Variants in FAN1 observed in about 807,000 individuals in gnomAD.
FAN1 encodes FANCD2 and FANCI associated nuclease 1, also known as fanconi-associated nuclease 1.
FAN1 carries 91 observed loss-of-function variants against 104.9 expected under a neutral mutation model. The ratio of observed to expected loss-of-function variants is 0.87; its 90% CI spans 0.73 to 1.03. The LOEUF is 1.03. FAN1 is among the 50% of genes least tolerant of loss of function. The pLI is 0.00. For synonymous variants in FAN1, 478 were observed against 457.6 expected (o/e 1.04, Z -0.57); for missense variants, 1,263 against 1,239.9 (o/e 1.02, Z -0.28).
rs1001369292 is a variant in FAN1, at chr15:30,904,464, G to A, written c.-152-48G>A. The A allele has an allele frequency of 4.1e-5, 28 of 682,614 alleles. 1 individual carries two copies. The Middle Eastern group carries it at 1.6e-3, about 39-fold the overall frequency. The allele number at this position is 682,614 out of a possible 1,614,324, so 42.3% of individuals were successfully genotyped here. A position where few individuals can be genotyped will look rare whatever the true frequency, so the allele number is the denominator to read the frequency against. ...CGTTTCAGAGTTCGCTTTTCCCCTT[G>A]CTGAATTCATAAAAATGTTTTTAAT... On this transcript the variant is annotated intron_variant, in intron 1 of 14. Coordinates refer to ENST00000362065, the MANE Select transcript of FAN1 (RefSeq NM_014967.5).
Position 30,937,055 on chromosome 15 carries a change from C to T in FAN1, c.2917-64C>T, listed in dbSNP as rs150482076. On this transcript the variant is annotated intron_variant, in intron 13 of 14. Transcript: ENST00000362065. ...AAATAGTTGTCAGTGACAACTACAA[C>T]TTACTTGAATGGCTTTTCATTCAGT... 666 of 1,409,524 alleles carry T rather than the reference C, an allele frequency of 4.7e-4. 7 individuals carry two copies. In the East Asian group the frequency reaches 0.014, roughly 30 times the overall value. 87.3% of individuals were successfully genotyped at this position (1,409,524 alleles called of 1,614,324 possible). A position where few individuals can be genotyped will look rare whatever the true frequency, so the allele number is the denominator to read the frequency against.
intron 13 of FAN1, among the ~76,000 whole-genome samples, chr15:30,931,420 T>A (rs1285136700): frequency 6.6e-6 from 1 of 152,172 alleles, no homozygotes; most frequent in Non-Finnish European, 1.5e-5. Flanking sequence ...AGAGCAGAGG[T>A]TTCAAAGTTT....
Position 30,942,350 on chromosome 15 carries a change from C to A in FAN1, c.*788C>A, listed in dbSNP as rs376766405. The A allele has an allele frequency of 1.0e-5, 5 of 480,688 alleles. No homozygotes were observed. Among genetic ancestry groups the A allele is most frequent in the African/African-American group, 7.8e-5 (4 of 51,476 alleles). 29.8% of individuals were successfully genotyped at this position (480,688 alleles called of 1,614,324 possible). A position where few individuals can be genotyped will look rare whatever the true frequency, so the allele number is the denominator to read the frequency against. ...ATTTGCTTAAGGATAAGTTCTAAGA[C>A]GGGCTAGAAAAAACACTAGACCTGG... On this transcript the variant is annotated 3_prime_UTR_variant, in exon 15 of 15. Coordinates refer to ENST00000362065, the MANE Select transcript of FAN1 (RefSeq NM_014967.5).
At chr15:30,927,096 G>C in intron 10 of FAN1, 1 of 939,996 alleles carries the variant, frequency 1.1e-6, no homozygotes, top group Non-Finnish European at 1.3e-6. Context: ...AGGATCACTT[G>C]AACTCTGAAG....
Position 30,905,580 on chromosome 15 carries a change from T to C in FAN1, c.917T>C (p.Met306Thr), listed in dbSNP as rs1328994282. 1 of 1,613,938 alleles carries C rather than the reference T, an allele frequency of 6.2e-7. No homozygotes were observed. Among genetic ancestry groups the C allele is most frequent in the Non-Finnish European group, 8.5e-7 (1 of 1,179,930 alleles). ...GCATGTCATTGTGAAGAAGTAAAAA[T>C]GACTGTTGCTTCAGAAGCTAAAATA... ...REACHCEEVKMTVASEAKIQL... is the reference protein window; with the variant it reads ...REACHCEEVKTTVASEAKIQL... The change falls in exon 2 of 15, where the codon ATG (methionine) becomes ACG (threonine). Residue 306 changes from methionine to threonine, a missense_variant. Coordinates refer to ENST00000362065, the MANE Select transcript of FAN1 (RefSeq NM_014967.5).
chr15:30,922,212 T>G, intron 7 of FAN1, 23 bp from the exon 8 acceptor site: 1 of 1,599,654 alleles, frequency 6.3e-7, no homozygotes, highest in Non-Finnish European at 8.5e-7. Context: ...TCTAATGAGG[T>G]TTCTTTGTTA....
At chr15:30,907,266 C>T (rs1440712509) in intron 2 of FAN1, among the ~76,000 whole-genome samples, 7 of 152,062 alleles carry the variant, frequency 4.6e-5, no homozygotes, top group Admixed American at 4.6e-4. Context: ...GCCTGTAATC[C>T]CAGCACTTTG....
chr15:30,935,563 A>T (rs950756774), intron 13 of FAN1, among the ~76,000 whole-genome samples: 2 of 152,240 alleles, frequency 1.3e-5, no homozygotes, highest in Non-Finnish European at 2.9e-5. Context: ...AAAGTATATG[A>T]GAAGATGTGC....
rs775256685 is a variant in FAN1, at chr15:30,925,124, C to T, written c.2173-3C>T. ...CCTGATGTGTGACCATGCTCTCTGC[C>T]AGACTATCAAGTGCATCACAGAGGG... On this transcript the variant is annotated splice_region_variant and splice_polypyrimidine_tract_variant and intron_variant, in intron 8 of 14. Coordinates refer to ENST00000362065, the MANE Select transcript of FAN1 (RefSeq NM_014967.5). 1.4e-5 allele frequency: 22 copies of T among 1,610,894 alleles called. No individual in the cohort carries two copies. The highest frequency in any genetic ancestry group is 1.8e-5 in the Non-Finnish European group (21 of 1,178,068).
At chr15:30,915,747 CCAAA>C (rs1352352466) in intron 5 of FAN1, among the ~76,000 whole-genome samples, 1 of 151,706 alleles carries the variant, frequency 6.6e-6, no homozygotes, top group Non-Finnish European at 1.5e-5. Context: ...ATAATAGATG[CCAAA>C]CAAATAATGG....
Position 30,922,263 on chromosome 15 carries a change from T to C in FAN1, c.2081T>C (p.Leu694Ser). Residue 694 changes from leucine to serine, a missense_variant, in exon 8 of 15, where the codon TTG becomes TCG. By Grantham distance (145) the Leu-to-Ser change is moderately radical. Transcript: ENST00000362065. ...GCCGTCAGAGAACTTGAAAGCCTTT[T>C]GTCTCAGAGAATTTATTGTCCTGAC... ...EEAVRELESL[L>S]SQRIYCPDSR... 1 of 1,612,924 alleles carries C rather than the reference T, an allele frequency of 6.2e-7. No individual in the cohort carries two copies. Among genetic ancestry groups the C allele is most frequent in the Non-Finnish European group, 8.5e-7 (1 of 1,179,806 alleles).
chr15:30,938,291 C>T (rs2062924152), intron 14 of FAN1, among the ~76,000 whole-genome samples: 2 of 152,240 alleles, frequency 1.3e-5, no homozygotes, highest in African/African-American at 2.4e-5. Context: ...GCCCTATACA[C>T]ATTTAGCTGT....
rs2062586807 is a variant in FAN1 at position 30,929,707 on chromosome 15, TCATATATAATATATATAA to T, written c.2787+311_2787+328del. Reference sequence around the variant, plus strand: ...TAATATATATAAAATATATATTATATCATATATAATATATATAAAATATATAATATATTATATCATATA... The same window carrying T: ...TAATATATATAAAATATATATTATATAATATATAATATATTATATCATATA... On this transcript the variant is annotated intron_variant, in intron 12 of 14. Coordinates refer to ENST00000362065, the MANE Select transcript of FAN1 (RefSeq NM_014967.5). Among the ~76,000 whole-genome samples, 2 of 57,294 alleles carry T rather than the reference TCATATATAATATATATAA, an allele frequency of 3.5e-5. 1 individual carries two copies. Among genetic ancestry groups the T allele is most frequent in the African/African-American group, 1.3e-4 (2 of 15,518 alleles). The allele number at this position is 57,294 out of a possible 152,430, so 37.6% of individuals were successfully genotyped here.
At chr15:30,917,055 G>A (rs756133338) in intron 5 of FAN1, among the ~76,000 whole-genome samples, 4 of 152,200 alleles carry the variant, frequency 2.6e-5, no homozygotes, top group Non-Finnish European at 4.4e-5. Flanking sequence ...AGATGTGGGG[G>A]TGGACAGGAC....
At chr15:30,910,901 T>G in intron 4 of FAN1, 86 bp downstream of exon 4, 1 of 1,460,436 alleles carries the variant, frequency 6.8e-7, no homozygotes, top group Non-Finnish European at 9.1e-7. Flanking sequence ...TTGATTGAAC[T>G]GTAATTGTTT....
At chr15:30,937,017 A>C (rs2062874095) in intron 13 of FAN1, 102 bp from the exon 14 acceptor site, 1 of 868,852 alleles carries the variant, frequency 1.2e-6, no homozygotes, top group East Asian at 2.4e-5. Context: ...GTGAGAGAGC[A>C]GAAGAGCCAT....
intron 14 of FAN1, chr15:30,940,824 C>T: frequency 1.0e-6 from 1 of 988,566 alleles, no homozygotes; most frequent in Non-Finnish European, 1.2e-6. Flanking sequence ...GTCAAAGGCA[C>T]TTCTAAGTTT....
chr15:30,930,767 A>G, intron 13 of FAN1, 96 bp downstream of exon 13: 1 of 1,466,506 alleles, frequency 6.8e-7, no homozygotes. Flanking sequence ...TGTTGGCAAG[A>G]TTGAATTCCT....
intron 4 of FAN1, chr15:30,911,067 G>A: frequency 8.2e-7 from 1 of 1,224,002 alleles, no homozygotes; most frequent in Non-Finnish European, 1.0e-6. Context: ...GTAAATTGTA[G>A]TATTTTATTT....
Sources: allele counts gnomAD v4.1 joint callset (sites outside exome capture counted in the v4.1 genomes callset), GRCh38; gene constraint gnomAD v4.1.1; transcripts MANE v1.5; gene names NCBI Gene and HGNC (gene_info 2026-07-23, HGNC 2026-07-21).